Variants in ACTL6B observed in about 807,000 individuals in gnomAD.
ACTL6B encodes the protein actin like 6B.
In ACTL6B, 48 loss-of-function variants were observed where a neutral mutation model predicts 63.3. The observed-to-expected ratio is 0.76, with a 90% CI of 0.60 to 0.96. ACTL6B has a LOEUF of 0.96. ACTL6B is among the 50% of genes least tolerant of loss of function. ACTL6B has a pLI of 0.00. For synonymous variants in ACTL6B, 230 were observed against 223.8 expected, an observed-to-expected ratio of 1.03 and a Z score of -0.25; for missense variants, 350 against 572.2, an observed-to-expected ratio of 0.61 and a Z score of 3.96.
chr7:100,643,276 C>T lies in ACTL6B; in HGVS notation c.1251G>A (p.Gly417=). ...WISKQEYEEG[G]KQCVERKCP Reference sequence around the variant, plus strand: ...GGCACTTTCGCTCCACGCACTGCTTCCCGCCCTCCTCATATTCCTGCTTGG... The same window carrying T: ...GGCACTTTCGCTCCACGCACTGCTTTCCGCCCTCCTCATATTCCTGCTTGG... Residue 417 remains glycine, a synonymous_variant, in exon 14 of 14, where the codon GGG becomes GGA. Transcript: ENST00000160382. 1.9e-6 allele frequency: 3 copies of T among 1,614,074 alleles called. No individual in the cohort carries two copies. Among genetic ancestry groups the T allele is most frequent in the Non-Finnish European group, 2.5e-6 (3 of 1,180,000 alleles).
At position 100,646,206 on chromosome 7, in the gene ACTL6B, T is replaced by G. The variant is rs893260974; in HGVS notation, c.1200+43A>C. 1 of 1,543,082 alleles carries G rather than the reference T, an allele frequency of 6.5e-7. No homozygotes were observed. The highest frequency in any genetic ancestry group is 1.4e-5 in the African/African-American group (1 of 73,342). ...TGGCGGGCACTGTCTGGGTCTCCCCTCTCCCCCACAGTCAGTGCTAGGCCA... is the reference window on the plus strand; with the variant it reads ...TGGCGGGCACTGTCTGGGTCTCCCCGCTCCCCCACAGTCAGTGCTAGGCCA... On this transcript the variant is annotated intron_variant, in intron 13 of 13. Coordinates refer to ENST00000160382, the MANE Select transcript of ACTL6B (RefSeq NM_016188.5). This position sits in a 1 kb window ranked among gnomAD's most constrained non-coding sequence, Gnocchi z 6.1.
At position 100,654,231 on chromosome 7, in the gene ACTL6B, C is replaced by A. The variant is rs573923007; in HGVS notation, c.369+788G>T. 7.5e-3 allele frequency among the ~76,000 whole-genome samples: 1,144 copies of A among 151,852 alleles called. 21 individuals are homozygous for A. Among genetic ancestry groups the A allele is most frequent in the African/African-American group, 0.026 (1,081 of 41,462 alleles). On this transcript the variant is annotated intron_variant, in intron 4 of 13. Coordinates refer to ENST00000160382, the MANE Select transcript of ACTL6B (RefSeq NM_016188.5). ...TCGTGATCCACCCGCCTCGGCCTCC[C>A]AAAGTGCTGGGATTACAGGCGTGAG...
Position 100,647,293 on chromosome 7 carries a change from C to A in ACTL6B, c.760-9G>T. The A allele has an allele frequency of 6.2e-7, 1 of 1,613,208 alleles. No homozygotes were observed. The highest frequency in any genetic ancestry group is 8.5e-7 in the Non-Finnish European group (1 of 1,179,878). ...AAGTCCTGGATCACCTCCTGAAATCCCAGCGGAGGTGGTGAGGGCCTGCCT... is the reference window on the plus strand; with the variant it reads ...AAGTCCTGGATCACCTCCTGAAATCACAGCGGAGGTGGTGAGGGCCTGCCT... On this transcript the variant is annotated splice_polypyrimidine_tract_variant and intron_variant, in intron 8 of 13. Transcript: ENST00000160382. The surrounding 1 kb of genome is among the most constrained non-coding windows in gnomAD (Gnocchi z 4.4).
At chr7:100,643,441 C>G in intron 13 of ACTL6B, 115 bp from the exon 14 acceptor site, 1 of 946,846 alleles carries the variant, frequency 1.1e-6, no homozygotes, top group Non-Finnish European at 1.7e-6. Flanking sequence ...GGTTCACATC[C>G]CTCTGAAGCC....
chr7:100,654,978 T>G, intron 4 of ACTL6B, 41 bp downstream of exon 4: 43 of 1,518,106 alleles, frequency 2.8e-5, no homozygotes, highest in Non-Finnish European at 3.4e-5. Flanking sequence ...GGAGGTGCAG[T>G]GGAGATCAGG....
At chr7:100,649,839 C>T (rs1803900726) in intron 5 of ACTL6B, 199 bp downstream of exon 5, 5 of 536,584 alleles carry the variant, frequency 9.3e-6, no homozygotes, top group Middle Eastern at 5.0e-4. Flanking sequence ...CGAAAGGGGC[C>T]GCTGATCTGG....
Position 100,647,263 on chromosome 7 carries a change from C to G in ACTL6B, c.781G>C (p.Ala261Pro). ...MCNEVIQDFQASVLQVSDSPY... is the reference protein window; with the variant it reads ...MCNEVIQDFQPSVLQVSDSPY... ...GAGTCTGAGACCTGCAGCACGGAGG[C>G]CTGGAAGTCCTGGATCACCTCCTGA... The change falls in exon 9 of 14, where the codon GCC becomes CCC. Residue 261 changes from alanine (A) to proline (P), a missense_variant. Coordinates refer to ENST00000160382, the MANE Select transcript of ACTL6B (RefSeq NM_016188.5). The surrounding 1 kb of genome is among the most constrained non-coding windows in gnomAD (Gnocchi z 4.4). 1 of 1,613,038 alleles carries G rather than the reference C, an allele frequency of 6.2e-7. No individual in the cohort carries two copies. Among genetic ancestry groups the G allele is most frequent in the Non-Finnish European group, 8.5e-7 (1 of 1,179,864 alleles).
chr7:100,644,467 T>G (rs1440703778), intron 13 of ACTL6B, among the ~76,000 whole-genome samples: 2 of 152,186 alleles, frequency 1.3e-5, no homozygotes, highest in African/African-American at 4.8e-5. Context: ...TTTTGGGTTT[T>G]TTTTGAGACA....
chr7:100,655,132 G>T lies in ACTL6B; in HGVS notation c.269-13C>A. On this transcript the variant is annotated splice_polypyrimidine_tract_variant and intron_variant, in intron 3 of 13. Coordinates refer to ENST00000160382, the MANE Select transcript of ACTL6B (RefSeq NM_016188.5). The surrounding 1 kb of genome is among the most constrained non-coding windows in gnomAD (Gnocchi z 4.4). Reference sequence around the variant, plus strand: ...TCCCAGTCCTCGACTGGGGCCAGAAGAGCAGCGTGCAGAGACGCAAGAAGG... The same window carrying T: ...TCCCAGTCCTCGACTGGGGCCAGAATAGCAGCGTGCAGAGACGCAAGAAGG... The T allele has an allele frequency of 1.2e-6, 2 of 1,608,338 alleles. No homozygotes were observed. Among genetic ancestry groups the T allele is most frequent in the South Asian group, 2.2e-5 (2 of 90,914 alleles).
At position 100,655,056 on chromosome 7, in the gene ACTL6B, T is replaced by G; in HGVS notation, c.332A>C (p.Glu111Ala). ...CATGAGCACTGGGTGCAGGTTTGGC[T>G]CAGACTTGACGTGTTTGCTGTAGGT... ...DHTYSKHVKS[E>A]PNLHPVLMSE... The change falls in exon 4 of 14, where the codon GAG becomes GCG. Residue 111 changes from glutamate (E) to alanine (A), a missense_variant. Physicochemically the swap from Glu to Ala is moderately radical, Grantham distance 107. Coordinates refer to ENST00000160382, the MANE Select transcript of ACTL6B (RefSeq NM_016188.5). The surrounding 1 kb of genome is among the most constrained non-coding windows in gnomAD (Gnocchi z 4.4). 1 of 1,613,986 alleles carries G rather than the reference T, an allele frequency of 6.2e-7. No homozygotes were observed. The highest frequency in any genetic ancestry group is 8.5e-7 in the Non-Finnish European group (1 of 1,179,998).
Position 100,646,213 on chromosome 7 carries a change from C to G in ACTL6B, c.1200+36G>C, listed in dbSNP as rs377332509. ...CACTGTCTGGGTCTCCCCTCTCCCC[C>G]ACAGTCAGTGCTAGGCCAGGTCCCT... On this transcript the variant is annotated intron_variant, in intron 13 of 13. Coordinates refer to ENST00000160382, the MANE Select transcript of ACTL6B (RefSeq NM_016188.5). The surrounding 1 kb of genome is among the most constrained non-coding windows in gnomAD (Gnocchi z 6.1). The G allele has an allele frequency of 6.3e-7, 1 of 1,585,532 alleles. No homozygotes were observed. The highest frequency in any genetic ancestry group is 8.6e-7 in the Non-Finnish European group (1 of 1,159,988).
rs1181223355 is a variant in ACTL6B at position 100,654,874 on chromosome 7, ATTGT to A, written c.369+141_369+144del. ...GGAGACTTAGCCAAGAAGGAAGGAAATTGTTTGGGATGGGTGAGGGGAGTCTGAA... is the reference window on the plus strand; with the variant it reads ...GGAGACTTAGCCAAGAAGGAAGGAAATTGGGATGGGTGAGGGGAGTCTGAA... On this transcript the variant is annotated intron_variant, in intron 4 of 13. Transcript: ENST00000160382. 13 of 666,752 alleles carry A rather than the reference ATTGT, an allele frequency of 1.9e-5. 1 individual carries two copies. Among genetic ancestry groups the A allele is most frequent in the South Asian group, 1.3e-4 (7 of 54,466 alleles). The allele number at this position is 666,752 out of a possible 1,614,324, so 41.3% of individuals were successfully genotyped here.
rs1482970436 is a variant in ACTL6B at position 100,647,003 on chromosome 7, G to T, written c.904C>A (p.Pro302Thr). Residue 302 changes from proline to threonine, a missense_variant, in exon 10 of 14, where the codon CCT becomes ACT. Coordinates refer to ENST00000160382, the MANE Select transcript of ACTL6B (RefSeq NM_016188.5). The surrounding 1 kb of genome is among the most constrained non-coding windows in gnomAD (Gnocchi z 4.4). ...TTCGAGGGATCAAACAGGCCCTCAG[G>T]GATGCGGAGTCGCTCGGCGCCGTAG... is the stretch of plus-strand genomic sequence containing the variant. Reference protein sequence around the residue: ...TDYGAERLRIPEGLFDPSNVK... With the variant: ...TDYGAERLRITEGLFDPSNVK... The T allele has an allele frequency of 6.2e-7, 1 of 1,614,102 alleles. No homozygotes were observed.
chr7:100,655,348 G>A lies in ACTL6B; in HGVS notation c.268+73C>T. On this transcript the variant is annotated intron_variant, in intron 3 of 13. Transcript: ENST00000160382. The surrounding 1 kb of genome is among the most constrained non-coding windows in gnomAD (Gnocchi z 4.4). ...TGCAAGGAAGACTCCGCGGGGAGTG[G>A]GGGCTGCTATGACCCAGATTGTGGG... 2 of 1,514,130 alleles carry A rather than the reference G, an allele frequency of 1.3e-6. No individual in the cohort carries two copies. The highest frequency in any genetic ancestry group is 1.8e-6 in the Non-Finnish European group (2 of 1,115,346). 93.8% of individuals were successfully genotyped at this position (1,514,130 alleles called of 1,614,324 possible).
At chr7:100,644,147 G>A (rs888829973) in intron 13 of ACTL6B, among the ~76,000 whole-genome samples, 7 of 152,062 alleles carry the variant, frequency 4.6e-5, no homozygotes, top group Non-Finnish European at 5.9e-5. Context: ...TGATCCGCCC[G>A]CCTCGGCCTC....
In ACTL6B at chr7:100,647,793, T is replaced by G. The variant is rs936728813; in HGVS notation, c.670-260A>C. Reference sequence around the variant, plus strand: ...CAGCAGTGACAGAACCTCAAGGGAATGGCCTCCTAGGGGGTCATGATCCAT... The same window carrying G: ...CAGCAGTGACAGAACCTCAAGGGAAGGGCCTCCTAGGGGGTCATGATCCAT... On this transcript the variant is annotated intron_variant, in intron 7 of 13. Coordinates refer to ENST00000160382, the MANE Select transcript of ACTL6B (RefSeq NM_016188.5). The surrounding 1 kb of genome is among the most constrained non-coding windows in gnomAD (Gnocchi z 4.4). The G allele has an allele frequency of 2.1e-6, 1 of 467,290 alleles. No individual in the cohort carries two copies. Among genetic ancestry groups the G allele is most frequent in the African/African-American group, 1.9e-5 (1 of 51,508 alleles). 28.9% of individuals were successfully genotyped at this position (467,290 alleles called of 1,614,324 possible). A position where few individuals can be genotyped will look rare whatever the true frequency, so the allele number is the denominator to read the frequency against.
At chr7:100,652,544 C>T (rs1286441137) in intron 4 of ACTL6B, among the ~76,000 whole-genome samples, 18 of 147,764 alleles carry the variant, frequency 1.2e-4, no homozygotes, top group African/African-American at 3.8e-4. Flanking sequence ...GCCGAGATCG[C>T]GCCATGGCAC....
Position 100,648,453 on chromosome 7 carries a change from G to A in ACTL6B, c.669+103C>T. 3 of 1,025,580 alleles carry A rather than the reference G, an allele frequency of 2.9e-6. No individual in the cohort carries two copies. The highest frequency in any genetic ancestry group is 2.8e-6 in the Non-Finnish European group (2 of 721,730). The allele number at this position is 1,025,580 out of a possible 1,614,324, so 63.5% of individuals were successfully genotyped here. A position where few individuals can be genotyped will look rare whatever the true frequency, so the allele number is the denominator to read the frequency against. ...AACTGGAGCCAGGACCCACTGGGGAGCCTGCTGCTCTCTGCTCTGATATCT... is the reference window on the plus strand; with the variant it reads ...AACTGGAGCCAGGACCCACTGGGGAACCTGCTGCTCTCTGCTCTGATATCT... On this transcript the variant is annotated intron_variant, in intron 7 of 13. Transcript: ENST00000160382. The surrounding 1 kb of genome is among the most constrained non-coding windows in gnomAD (Gnocchi z 4.4).
Position 100,647,541 on chromosome 7 carries a change from G to T in ACTL6B, c.670-8C>A, listed in dbSNP as rs1803848005. 2 of 1,585,894 alleles carry T rather than the reference G, an allele frequency of 1.3e-6. No individual in the cohort carries two copies. The highest frequency in any genetic ancestry group is 1.7e-5 in the Admixed American group (1 of 57,620). On this transcript the variant is annotated splice_region_variant and splice_polypyrimidine_tract_variant and intron_variant, in intron 7 of 13. Transcript: ENST00000160382. The surrounding 1 kb of genome is among the most constrained non-coding windows in gnomAD (Gnocchi z 4.4). ...ACCCTCCCGGACAGGCTCCTGTGGG[G>T]GCACAGTGTAGGAACACCCTTTCCT...
Sources: allele counts gnomAD v4.1 joint callset (sites outside exome capture counted in the v4.1 genomes callset), GRCh38; gene constraint gnomAD v4.1.1; non-coding constraint Gnocchi (gnomAD v3.1); transcripts MANE v1.5; gene names NCBI Gene and HGNC (gene_info 2026-07-23, HGNC 2026-07-21).